CGGBP1: variants seen among roughly 807,000 people sequenced by gnomAD.
CGGBP1 encodes the protein CGG triplet repeat-binding protein 1.
A neutral mutation model predicts 11.4 loss-of-function variants in CGGBP1; 4 were observed. The ratio of observed to expected loss-of-function variants is 0.35; its 90% CI spans 0.17 to 0.80. The LOEUF is 0.80. Among genes scored for constraint, CGGBP1 ranks in the 30% least tolerant of loss-of-function variants. The probability of loss-of-function intolerance (pLI) is 0.52; values close to 1 mark genes in which losing one functional copy is unlikely to be tolerated. For missense variants in CGGBP1, 135 were observed against 202.1 expected, an observed-to-expected ratio of 0.67 and a Z score of 2.01; for synonymous variants, 76 against 74.1, an observed-to-expected ratio of 1.03 and a Z score of -0.13.
intron 2 of CGGBP1, among the ~76,000 whole-genome samples, chr3:88,068,932 A>C (rs1707349944): frequency 6.6e-6 from 1 of 152,172 alleles, no homozygotes; most frequent in African/African-American, 2.4e-5. Context: ...ATCTAGGAAT[A>C]AGCATTTGGT....
chr3:88,145,767 T>C (rs1230727450), intron 1 of CGGBP1, among the ~76,000 whole-genome samples: 1 of 152,190 alleles, frequency 6.6e-6, no homozygotes, highest in Non-Finnish European at 1.5e-5. Flanking sequence ...TATTGATGGG[T>C]ACTGCACATT....
intron 2 of CGGBP1, among the ~76,000 whole-genome samples, chr3:88,112,100 TTGA>T (rs1705127452): frequency 6.6e-6 from 1 of 151,928 alleles, no homozygotes; most frequent in East Asian, 1.9e-4. Context: ...TTTTGGTCTG[TTGA>T]TATTTTAAAA....
At chr3:88,075,917 C>T (rs1187777480) in intron 2 of CGGBP1, among the ~76,000 whole-genome samples, 1 of 152,174 alleles carries the variant, frequency 6.6e-6, no homozygotes, top group Non-Finnish European at 1.5e-5. Flanking sequence ...ATCTTACCAG[C>T]ACAACATCAA....
At chr3:88,107,905 A>G (rs1704842020) in intron 2 of CGGBP1, among the ~76,000 whole-genome samples, 2 of 152,150 alleles carry the variant, frequency 1.3e-5, no homozygotes, top group Admixed American at 1.3e-4. Context: ...TGATTTTAAT[A>G]AAGTCTCTGT....
chr3:88,112,693 T>C (rs756730228), intron 2 of CGGBP1, among the ~76,000 whole-genome samples: 9 of 151,988 alleles, frequency 5.9e-5, no homozygotes, highest in Non-Finnish European at 8.8e-5. Flanking sequence ...GTGTTAATTT[T>C]ATTCAACTCT....
chr3:88,137,535 G>C (rs1370083037), intron 2 of CGGBP1, among the ~76,000 whole-genome samples: 1 of 152,024 alleles, frequency 6.6e-6, no homozygotes, highest in Non-Finnish European at 1.5e-5. Context: ...TTCACAGTTG[G>C]GGGGTGAGGA....
At chr3:88,094,242 CTT>C (rs1488486269) in intron 2 of CGGBP1, among the ~76,000 whole-genome samples, 1 of 151,922 alleles carries the variant, frequency 6.6e-6, no homozygotes, top group East Asian at 1.9e-4. Context: ...TTAAAAAACT[CTT>C]AGTGCATTTG....
At chr3:88,057,101 A>G (rs1403719975) in intron 3 of CGGBP1, 90 bp downstream of exon 3, 2 of 152,196 alleles carry the variant, frequency 1.3e-5, no homozygotes, top group African/African-American at 4.8e-5. Context: ...GTCTGCATAA[A>G]TATGTTAGAG....
intron 1 of CGGBP1, chr3:88,143,540 A>T (rs918367341): frequency 4.6e-5 from 7 of 152,268 alleles, no homozygotes; most frequent in Non-Finnish European, 1.0e-4. Context: ...CTTTTGAAAT[A>T]TTTCTGCTTT....
chr3:88,117,945 TAAAA>T (rs5850829), intron 2 of CGGBP1, among the ~76,000 whole-genome samples: 1 of 147,770 alleles, frequency 6.8e-6, no homozygotes, highest in Non-Finnish European at 1.5e-5. Context: ...AATAGATGAT[TAAAA>T]AAAAAAAACA....
At chr3:88,107,606 A>C (rs576246794) in intron 2 of CGGBP1, among the ~76,000 whole-genome samples, 184 of 152,242 alleles carry the variant, frequency 1.2e-3, no homozygotes, top group African/African-American at 3.4e-3. Flanking sequence ...TTTTAGAACT[A>C]TGATTAAACA....
intron 2 of CGGBP1, among the ~76,000 whole-genome samples, chr3:88,068,172 T>C (rs1163728271): frequency 6.6e-6 from 1 of 151,948 alleles, no homozygotes. Flanking sequence ...AATTTGATCA[T>C]TGTGAATGCA....
intron 2 of CGGBP1, among the ~76,000 whole-genome samples, chr3:88,135,994 A>C (rs1229364151): frequency 3.3e-5 from 5 of 152,088 alleles, no homozygotes; most frequent in Admixed American, 2.6e-4. Context: ...ATGTATGATC[A>C]TGTAGTGATC....
rs1453217139 is a variant in CGGBP1, at chr3:88,139,203, C to A, written c.-229+1767G>T. 2.7e-6 allele frequency: 4 copies of A among 1,457,848 alleles called. No individual in the cohort carries two copies. In the East Asian group the frequency reaches 9.8e-5, roughly 36 times the overall value. 90.3% of individuals were successfully genotyped at this position (1,457,848 alleles called of 1,614,324 possible). A position where few individuals can be genotyped will look rare whatever the true frequency, so the allele number is the denominator to read the frequency against. On this transcript the variant is annotated intron_variant, in intron 2 of 3. Coordinates refer to the CGGBP1 transcript ENST00000462901. Reference sequence around the variant, plus strand: ...AGATCAGAGCACTGGAGAGACTGATCCTGATGATGTATCTGGAGTGCAGCC... The same window carrying A: ...AGATCAGAGCACTGGAGAGACTGATACTGATGATGTATCTGGAGTGCAGCC...
intron 1 of CGGBP1, among the ~76,000 whole-genome samples, chr3:88,145,906 A>G (rs1380829653): frequency 1.3e-5 from 2 of 152,190 alleles, no homozygotes; most frequent in African/African-American, 2.4e-5. Context: ...CAGCTAATAA[A>G]TGCAGAGGGT....
intron 2 of CGGBP1, among the ~76,000 whole-genome samples, chr3:88,091,284 G>A (rs1708618204): frequency 6.6e-6 from 1 of 152,096 alleles, no homozygotes; most frequent in Admixed American, 6.6e-5. Flanking sequence ...AACTGGCTAC[G>A]TAGACAAAAA....
intron 2 of CGGBP1, among the ~76,000 whole-genome samples, chr3:88,118,445 G>GCCCC (rs1201785184): frequency 5.9e-5 from 9 of 152,112 alleles, no homozygotes; most frequent in Non-Finnish European, 1.3e-4. Context: ...CCTTTGTGGG[G>GCCCC]CAAGTGTTGA....
At chr3:88,145,777 TGGG>T (rs781234495) in intron 1 of CGGBP1, among the ~76,000 whole-genome samples, 1 of 152,138 alleles carries the variant, frequency 6.6e-6, no homozygotes, top group African/African-American at 2.4e-5. Context: ...TACTGCACAT[TGGG>T]GGGAAGAAAT....
chr3:88,140,738 A>G (rs1707076951), intron 2 of CGGBP1: 6 of 1,613,636 alleles, frequency 3.7e-6, no homozygotes, highest in South Asian at 2.2e-5. Flanking sequence ...CCTTGCCAGT[A>G]TCTCAGGCAC....
Sources: allele counts gnomAD v4.1 joint callset (sites outside exome capture counted in the v4.1 genomes callset), GRCh38; gene constraint gnomAD v4.1.1; transcripts MANE v1.5; gene names NCBI Gene and HGNC (gene_info 2026-07-23, HGNC 2026-07-21).